JARID2: variants seen among roughly 807,000 people sequenced by gnomAD.
The protein encoded by JARID2 is jumonji and AT-rich interaction domain containing 2, also known as protein Jumonji.
Under a neutral mutation model 125.6 loss-of-function variants are expected in JARID2, and 21 were observed. The observed-to-expected ratio is 0.17, with a 90% CI of 0.12 to 0.24. The LOEUF (loss-of-function observed/expected upper bound fraction) is 0.24, where lower values mean the gene tolerates loss of function less well. JARID2 is among the 10% of genes least tolerant of loss of function. The pLI is 1.00. For missense variants in JARID2, 1,303 were observed against 1,639.6 expected (o/e 0.79, Z 3.55); for synonymous variants, 736 against 661.6 (o/e 1.11, Z -1.73).
At chr6:15,427,645 A>G (rs548491550) in intron 3 of JARID2, among the ~76,000 whole-genome samples, 1 of 152,200 alleles carries the variant, frequency 6.6e-6, no homozygotes, top group South Asian at 2.1e-4. Flanking sequence ...CCCAAAGGAC[A>G]AGTCTAAACA....
chr6:15,270,304 G>T (rs562997358), intron 1 of JARID2, among the ~76,000 whole-genome samples: 115 of 152,222 alleles, frequency 7.6e-4, no homozygotes, highest in African/African-American at 2.5e-3. Context: ...GGCTAATTTG[G>T]TATTTTTAGT....
intron 1 of JARID2, among the ~76,000 whole-genome samples, chr6:15,268,790 A>G (rs976660500): frequency 2.6e-5 from 4 of 152,192 alleles, no homozygotes; most frequent in Non-Finnish European, 5.9e-5. Context: ...GCAGCTGCAA[A>G]GAATTTGCTT....
chr6:15,480,875 A>T (rs1188504526), intron 5 of JARID2, among the ~76,000 whole-genome samples: 1 of 152,154 alleles, frequency 6.6e-6, no homozygotes, highest in African/African-American at 2.4e-5. Flanking sequence ...TCAGTTTCTC[A>T]TAGGGCTGCC....
rs541608020 is a variant in JARID2 at position 15,320,852 on chromosome 6, C to CTCTGTGTGTGTG, written c.46-53264_46-53263insCTGTGTGTGTGT. Among the ~76,000 whole-genome samples, 209 of 145,398 alleles carry CTCTGTGTGTGTG rather than the reference C, an allele frequency of 1.4e-3. 2 individuals carry two copies. The highest frequency in any genetic ancestry group is 5.2e-3 in the Admixed American group (75 of 14,502). ...AATATGATTCATTCTCTCTCTCTCT[C>CTCTGTGTGTGTG]TGTGTGTGTGTGTGTGTGTGTGTGT... On this transcript the variant is annotated intron_variant, in intron 1 of 17. Coordinates refer to ENST00000341776, the MANE Select transcript of JARID2 (RefSeq NM_004973.4).
chr6:15,400,871 C>T, intron 2 of JARID2: 1 of 1,287,044 alleles, frequency 7.8e-7, no homozygotes, highest in Non-Finnish European at 1.0e-6. Flanking sequence ...TGCTCCGGAG[C>T]CTGCCTCACT....
At chr6:15,378,365 A>G (rs943518011) in intron 2 of JARID2, among the ~76,000 whole-genome samples, 1 of 152,046 alleles carries the variant, frequency 6.6e-6, no homozygotes, top group African/African-American at 2.4e-5. Context: ...TATGCTGTGC[A>G]AGCAAGGATG....
chr6:15,418,372 C>T (rs1270002366), intron 3 of JARID2, among the ~76,000 whole-genome samples: 1 of 152,052 alleles, frequency 6.6e-6, no homozygotes, highest in African/African-American at 2.4e-5. Context: ...TGCATGCCAC[C>T]ACACTTGGCT....
At chr6:15,385,329 C>T (rs554326770) in intron 2 of JARID2, among the ~76,000 whole-genome samples, 124 of 152,080 alleles carry the variant, frequency 8.2e-4, no homozygotes, top group African/African-American at 2.8e-3. Flanking sequence ...TGGAATGTTC[C>T]TTGAACATTC....
At chr6:15,362,593 G>A (rs1005014165) in intron 1 of JARID2, among the ~76,000 whole-genome samples, 22 of 152,170 alleles carry the variant, frequency 1.4e-4, no homozygotes, top group African/African-American at 4.8e-4. Context: ...ATTAAAGCCT[G>A]TAAGGGAAGT....
chr6:15,477,703 T>A (rs369632224), intron 5 of JARID2, among the ~76,000 whole-genome samples: 28 of 152,152 alleles, frequency 1.8e-4, no homozygotes, highest in East Asian at 7.7e-4. Flanking sequence ...TTAGTTTTCT[T>A]ATCTCTGAAG....
At chr6:15,329,669 C>T (rs1377421643) in intron 1 of JARID2, among the ~76,000 whole-genome samples, 1 of 152,184 alleles carries the variant, frequency 6.6e-6, no homozygotes, top group East Asian at 1.9e-4. Context: ...TTTTATCTTC[C>T]CATTTCTAGA....
At chr6:15,300,683 T>TGTG (rs1554121152) in intron 1 of JARID2, among the ~76,000 whole-genome samples, 1 of 114,490 alleles carries the variant, frequency 8.7e-6, no homozygotes, top group East Asian at 2.9e-4. Flanking sequence ...TGTCCTCATG[T>TGTG]TGTGTGTGTG....
In JARID2 at chr6:15,501,289, G is replaced by A. The variant is rs1197207314; in HGVS notation, c.2328G>A (p.Glu776=). 9 of 1,613,314 alleles carry A rather than the reference G, an allele frequency of 5.6e-6. No individual in the cohort carries two copies. Among genetic ancestry groups the A allele is most frequent in the African/African-American group, 5.3e-5 (4 of 74,950 alleles). ...PRNGFRSKLK[E]VGQAQLKTGR... ...ACGGCTTCCGCAGCAAGCTCAAGGA[G>A]GTGGGCCAGGCCCAGTTGAAGACTG... is the stretch of plus-strand genomic sequence containing the variant. The change falls in exon 8 of 18, where the codon GAG becomes GAA. Residue 776 remains glutamate, a synonymous_variant. Transcript: ENST00000341776.
chr6:15,496,107 C>T (rs1272177401), intron 6 of JARID2, 25 bp from the exon 7 acceptor site: 5 of 1,567,994 alleles, frequency 3.2e-6, no homozygotes, highest in South Asian at 2.4e-5. Flanking sequence ...CGTTTTTTTC[C>T]ACCTCTGCTT....
chr6:15,432,885 A>G (rs1173411817), intron 3 of JARID2, among the ~76,000 whole-genome samples: 2 of 152,210 alleles, frequency 1.3e-5, no homozygotes, highest in Non-Finnish European at 1.5e-5. Flanking sequence ...ATTACACCTT[A>G]TAGCATTGGC....
chr6:15,384,413 G>T, intron 2 of JARID2, among the ~76,000 whole-genome samples: 1 of 139,022 alleles, frequency 7.2e-6, no homozygotes, highest in South Asian at 2.3e-4. Flanking sequence ...AAGTTAAGAT[G>T]TCCCAAAGCC....
At chr6:15,423,748 G>A (rs1180340938) in intron 3 of JARID2, among the ~76,000 whole-genome samples, 1 of 152,162 alleles carries the variant, frequency 6.6e-6, no homozygotes, top group African/African-American at 2.4e-5. Flanking sequence ...GGAGAAGCTT[G>A]TCACTTCTCA....
rs529610329 is a variant in JARID2, at chr6:15,455,610, C to A, written c.493+3435C>A. Among the ~76,000 whole-genome samples the A allele has an allele frequency of 1.3e-5, 2 of 152,336 alleles. 1 individual carries two copies. The highest frequency in any genetic ancestry group is 4.1e-4 in the South Asian group (2 of 4,828). The stretch of plus-strand genomic sequence containing the variant: ...GCAACAGCGCGATCTTGGCTCACTG[C>A]AACCTCTGCATCCTGAGTTCAAGTG... On this transcript the variant is annotated intron_variant, in intron 4 of 17. Coordinates refer to ENST00000341776, the MANE Select transcript of JARID2 (RefSeq NM_004973.4).
At chr6:15,437,192 C>G (rs1767244572) in intron 3 of JARID2, among the ~76,000 whole-genome samples, 1 of 152,176 alleles carries the variant, frequency 6.6e-6, no homozygotes, top group South Asian at 2.1e-4. Context: ...GTTTCAGGGA[C>G]TGGTTGGGAA....
Sources: allele counts gnomAD v4.1 joint callset (sites outside exome capture counted in the v4.1 genomes callset), GRCh38; gene constraint gnomAD v4.1.1; transcripts MANE v1.5; gene names NCBI Gene and HGNC (gene_info 2026-07-23, HGNC 2026-07-21).